NECAB1: variants seen among roughly 807,000 people sequenced by gnomAD.
NECAB1 encodes N-terminal EF-hand calcium-binding protein 1.
NECAB1 carries 29 observed loss-of-function variants against 57.5 expected under a neutral mutation model. That is an observed-to-expected ratio of 0.50 (90% confidence interval 0.38 to 0.69). The LOEUF (loss-of-function observed/expected upper bound fraction) is 0.69, where lower values mean the gene tolerates loss of function less well. NECAB1 is among the 30% of genes least tolerant of loss of function. NECAB1 has a pLI of 0.00. For missense variants in NECAB1, 372 were observed against 413.8 expected (o/e 0.90, Z 0.88); for synonymous variants, 142 against 147.7 (o/e 0.96, Z 0.28).
intron 3 of NECAB1, among the ~76,000 whole-genome samples, chr8:90,852,579 C>A (rs1812705162): frequency 1.3e-5 from 2 of 152,130 alleles, no homozygotes; most frequent in African/African-American, 4.8e-5. Context: ...ACCCATGGCC[C>A]ACCCTGCCCT....
intron 3 of NECAB1, among the ~76,000 whole-genome samples, chr8:90,847,423 T>C (rs1244976339): frequency 6.6e-6 from 1 of 152,236 alleles, no homozygotes; most frequent in Non-Finnish European, 1.5e-5. Context: ...GTCTGTAGCT[T>C]TTCCAGGTGC....
intron 3 of NECAB1, chr8:90,859,201 T>C (rs1452833615): frequency 6.6e-6 from 1 of 152,152 alleles, no homozygotes; most frequent in Admixed American, 6.6e-5. Flanking sequence ...CTGGGAGGGT[T>C]TCCAGATCTC....
intron 3 of NECAB1, among the ~76,000 whole-genome samples, chr8:90,840,680 T>C (rs184850971): frequency 1.3e-4 from 19 of 151,770 alleles, no homozygotes; most frequent in African/African-American, 4.4e-4. Flanking sequence ...CCAGGGGAGG[T>C]GATATGTCAA....
intron 5 of NECAB1, among the ~76,000 whole-genome samples, chr8:90,904,265 CA>C (rs5893144): frequency 0.54 from 79,025 of 147,190 alleles, 24,034 homozygotes; most frequent in African/African-American, 0.83. Context: ...GTACTGAAAG[CA>C]AAAAAAAAAA....
At chr8:90,934,428 T>G in intron 9 of NECAB1, 71 bp downstream of exon 9, 1 of 1,076,852 alleles carries the variant, frequency 9.3e-7, no homozygotes, top group Non-Finnish European at 1.3e-6. Flanking sequence ...TCTTCAAAAA[T>G]TAGTTATCTC....
chr8:90,906,876 CATATATATATATATATATATATATAT>C (rs57808023), intron 5 of NECAB1, among the ~76,000 whole-genome samples: 7 of 121,764 alleles, frequency 5.7e-5, no homozygotes, highest in Non-Finnish European at 1.0e-4. Context: ...ATGATATACA[CATATATATATATATATATATATATAT>C]ATATATATCT....
chr8:90,863,148 T>C (rs1349464553), intron 3 of NECAB1, among the ~76,000 whole-genome samples: 3 of 152,076 alleles, frequency 2.0e-5, no homozygotes, highest in Admixed American at 2.0e-4. Context: ...TCACTCCCAA[T>C]CTTTCTCTGC....
chr8:90,913,712 G>T (rs1809884564), intron 5 of NECAB1, among the ~76,000 whole-genome samples: 1 of 152,126 alleles, frequency 6.6e-6, no homozygotes, highest in East Asian at 1.9e-4. Flanking sequence ...ACATTTTCCA[G>T]CTTGTTATCT....
chr8:90,849,686 ATTTTTTTTT>A (rs34779201), intron 3 of NECAB1, among the ~76,000 whole-genome samples: 69 of 84,136 alleles, frequency 8.2e-4, no homozygotes, highest in African/African-American at 2.2e-3. Flanking sequence ...GTTTCCAGTA[ATTTTTTTTT>A]TTTTTTTTTT....
At chr8:90,811,172 C>G (rs984676917) in intron 2 of NECAB1, among the ~76,000 whole-genome samples, 1 of 152,034 alleles carries the variant, frequency 6.6e-6, no homozygotes, top group East Asian at 1.9e-4. Flanking sequence ...AGGATGGTCT[C>G]GATCTCCTGA....
At chr8:90,887,076 G>T (rs933680722) in intron 5 of NECAB1, among the ~76,000 whole-genome samples, 2 of 152,032 alleles carry the variant, frequency 1.3e-5, no homozygotes, top group African/African-American at 4.8e-5. Flanking sequence ...AACTAGATTA[G>T]CTACCATCTT....
intron 3 of NECAB1, among the ~76,000 whole-genome samples, chr8:90,866,424 T>C (rs1485796117): frequency 6.6e-6 from 1 of 152,180 alleles, no homozygotes. Flanking sequence ...TTAAGGGGTA[T>C]AGCAGTGTTT....
At chr8:90,940,192 A>C (rs781171322) in intron 9 of NECAB1, 1 of 152,304 alleles carries the variant, frequency 6.6e-6, no homozygotes, top group African/African-American at 2.4e-5. Context: ...TGCCATTACC[A>C]TTTGAACAGG....
At chr8:90,946,373 C>A (rs1046568913) in intron 10 of NECAB1, among the ~76,000 whole-genome samples, 1 of 152,202 alleles carries the variant, frequency 6.6e-6, no homozygotes, top group East Asian at 1.9e-4. Context: ...TCACTAGCAG[C>A]TGTGATGACC....
chr8:90,928,737 A>G (rs908638094), intron 8 of NECAB1, among the ~76,000 whole-genome samples: 2 of 152,196 alleles, frequency 1.3e-5, no homozygotes, highest in African/African-American at 4.8e-5. Context: ...CTATCTACTA[A>G]AAGATGAGAT....
At chr8:90,847,223 G>C (rs1020115569) in intron 3 of NECAB1, among the ~76,000 whole-genome samples, 10 of 152,208 alleles carry the variant, frequency 6.6e-5, no homozygotes, top group African/African-American at 2.4e-4. Flanking sequence ...GGGGCCACAG[G>C]CCCCATGCAA....
chr8:90,955,759 A>G lies in NECAB1; in HGVS notation c.*247A>G, dbSNP rs1811019675. The G allele has an allele frequency of 2.6e-6, 1 of 383,342 alleles. No individual in the cohort carries two copies. The highest frequency in any genetic ancestry group is 4.6e-6 in the Non-Finnish European group (1 of 216,216). 23.7% of individuals were successfully genotyped at this position (383,342 alleles called of 1,614,324 possible). ...TGCTTTGCTACATTGTAACTCACCTAAAACCTTTTAGTGACAAAATCCTAA... is the reference window on the plus strand; with the variant it reads ...TGCTTTGCTACATTGTAACTCACCTGAAACCTTTTAGTGACAAAATCCTAA... On this transcript the variant is annotated 3_prime_UTR_variant, in exon 13 of 13. Coordinates refer to ENST00000417640, the MANE Select transcript of NECAB1 (RefSeq NM_022351.5).
At chr8:90,927,614 C>CAT (rs1810305738) in intron 7 of NECAB1, among the ~76,000 whole-genome samples, 1 of 147,324 alleles carries the variant, frequency 6.8e-6, no homozygotes, top group African/African-American at 2.6e-5. Context: ...GCTAGATACA[C>CAT]ACACACACAC....
intron 12 of NECAB1, among the ~76,000 whole-genome samples, chr8:90,951,766 A>AG (rs1810927952): frequency 2.8e-5 from 1 of 36,286 alleles, no homozygotes; most frequent in Admixed American, 3.7e-4. Flanking sequence ...ATTTTAGCAG[A>AG]AAAAAAAAAC....
Sources: allele counts gnomAD v4.1 joint callset (sites outside exome capture counted in the v4.1 genomes callset), GRCh38; gene constraint gnomAD v4.1.1; transcripts MANE v1.5; gene names NCBI Gene and HGNC (gene_info 2026-07-23, HGNC 2026-07-21).